The following KRIT1 variants were observed in gnomAD, a reference collection of about 807,000 sequenced individuals.
The protein encoded by KRIT1 is KRIT1 ankyrin repeat containing, also known as krev interaction trapped protein 1.
In KRIT1, 45 loss-of-function variants were observed where a neutral mutation model predicts 95.8. That is an observed-to-expected ratio of 0.47 (90% CI 0.37 to 0.60). The LOEUF (loss-of-function observed/expected upper bound fraction) is 0.60. Among genes scored for constraint, KRIT1 ranks in the 20% least tolerant of loss-of-function variants. The pLI, the probability that KRIT1 is intolerant of heterozygous loss-of-function variation, is 0.00. For missense variants in KRIT1, 788 were observed against 877.5 expected (o/e 0.90, Z 1.29); for synonymous variants, 282 against 278.8 (o/e 1.01, Z -0.11).
intron 17 of KRIT1, chr7:92,206,691 C>T (rs542173308): frequency 6.6e-6 from 1 of 152,068 alleles, no homozygotes; most frequent in South Asian, 2.1e-4. Flanking sequence ...ATGACACCTT[C>T]AAAGGAAAAC....
At chr7:92,226,746 G>A in intron 10 of KRIT1, 64 bp from the exon 11 acceptor site, 1 of 1,503,388 alleles carries the variant, frequency 6.7e-7, no homozygotes. Context: ...AAGATCATCT[G>A]AAATGTTTTT....
At chr7:92,230,778 T>A (rs1430258204) in intron 10 of KRIT1, among the ~76,000 whole-genome samples, 1 of 152,138 alleles carries the variant, frequency 6.6e-6, no homozygotes, top group Non-Finnish European at 1.5e-5. Context: ...AAAGTGATCA[T>A]TAGGGATAGA....
At position 92,203,587 on chromosome 7, in the gene KRIT1, GA is replaced by G. The variant is rs1369504426; in HGVS notation, c.2026-2165del. On this transcript the variant is annotated intron_variant, in intron 17 of 18. Coordinates refer to ENST00000394505, the MANE Select transcript of KRIT1 (RefSeq NM_194454.3). ...TCTGTTACTGCTAACTCATTTATTT[GA>G]ATCCTGGATCAAAGTATTATACATA... 2.6e-5 allele frequency among the ~76,000 whole-genome samples: 4 copies of G among 152,232 alleles called. No individual in the cohort carries two copies. In the East Asian group the frequency reaches 7.7e-4, roughly 29 times the overall value.
At chr7:92,228,797 G>A (rs1018844482) in intron 10 of KRIT1, among the ~76,000 whole-genome samples, 7 of 151,970 alleles carry the variant, frequency 4.6e-5, no homozygotes, top group Non-Finnish European at 8.8e-5. Flanking sequence ...TTGTGCTCAT[G>A]AGTCCTCATC....
chr7:92,235,356 A>G (rs758712545), intron 8 of KRIT1, 47 bp downstream of exon 8: 14 of 1,588,950 alleles, frequency 8.8e-6, no homozygotes, highest in Non-Finnish European at 1.2e-5. Flanking sequence ...ATTACACTTG[A>G]GATAAAACGT....
intron 17 of KRIT1, among the ~76,000 whole-genome samples, chr7:92,210,815 G>A (rs1584776644): frequency 6.6e-6 from 1 of 152,102 alleles, no homozygotes; most frequent in Non-Finnish European, 1.5e-5. Flanking sequence ...AAATTTACAA[G>A]GAAATCAAAC....
intron 17 of KRIT1, among the ~76,000 whole-genome samples, chr7:92,207,342 G>C (rs1029879417): frequency 1.3e-5 from 2 of 151,838 alleles, no homozygotes; most frequent in Non-Finnish European, 2.9e-5. Context: ...AGAAGAGCCT[G>C]GGATGATGTG....
chr7:92,212,493 G>A (rs140126292), intron 17 of KRIT1, among the ~76,000 whole-genome samples: 111 of 152,280 alleles, frequency 7.3e-4, no homozygotes, highest in African/African-American at 2.3e-3. Context: ...TAATTTATGA[G>A]AGCAGGGCCC....
intron 11 of KRIT1, among the ~76,000 whole-genome samples, chr7:92,226,100 A>C (rs775929920): frequency 6.6e-5 from 10 of 152,250 alleles, no homozygotes; most frequent in Non-Finnish European, 1.5e-4. Flanking sequence ...CCTCTTTATG[A>C]TATTCCTTTT....
chr7:92,237,610 G>T, intron 6 of KRIT1, 57 bp downstream of exon 6: 2 of 957,012 alleles, frequency 2.1e-6, no homozygotes, highest in Non-Finnish European at 3.4e-6. Context: ...TTCCTCAATA[G>T]ACCTTTACTT....
chr7:92,242,000 A>T (rs773109049), intron 4 of KRIT1, 34 bp downstream of exon 4: 4 of 1,055,640 alleles, frequency 3.8e-6, no homozygotes, highest in South Asian at 1.3e-5. Flanking sequence ...ATGACATTCA[A>T]TGGTAGAAAT....
chr7:92,245,949 C>G (rs1308884213), upstream of KRIT1: 1 of 247,366 alleles, frequency 4.0e-6, no homozygotes, highest in Non-Finnish European at 7.9e-6. Context: ...TTTGCAGCCT[C>G]GCGGTTGGCG....
At chr7:92,244,582 G>A (rs542634593) in intron 2 of KRIT1, among the ~76,000 whole-genome samples, 1 of 152,186 alleles carries the variant, frequency 6.6e-6, no homozygotes, top group South Asian at 2.1e-4. Context: ...ATGAAAGAAG[G>A]AAACAAAGGC....
intron 14 of KRIT1, among the ~76,000 whole-genome samples, chr7:92,219,270 G>A (rs1269769838): frequency 3.3e-5 from 5 of 152,170 alleles, no homozygotes; most frequent in Non-Finnish European, 5.9e-5. Flanking sequence ...CAAAAGTGCT[G>A]GGATTACAGG....
In KRIT1 at chr7:92,241,058, T is replaced by C; in HGVS notation, c.197A>G (p.Gln66Arg). The C allele has an allele frequency of 1.9e-6, 3 of 1,612,068 alleles. No homozygotes were observed. The South Asian group carries it at 3.3e-5, about 18-fold the overall frequency. ...TKLQGNSEIT[Q>R]GILDYVVETT... Reference sequence around the variant, plus strand: ...TTCTACTACGTAATCCAATATGCCTTGTGTTATTTCACTGTTGCCTTGAAG... The same window carrying C: ...TTCTACTACGTAATCCAATATGCCTCGTGTTATTTCACTGTTGCCTTGAAG... The change falls in exon 5 of 19, where the codon CAA becomes CGA. Residue 66 changes from glutamine (Q) to arginine (R), a missense_variant. By Grantham distance (43) the Gln-to-Arg change is conservative (BLOSUM62 1). Transcript: ENST00000394505.
rs1266844522 is a variant in KRIT1 at position 92,235,965 on chromosome 7, A to G, written c.486-319T>C. ...AAAGTTTTGTTAATGGATACAGCAAATAAATTTTTTAAATGTATGTGCCAT... is the reference window on the plus strand; with the variant it reads ...AAAGTTTTGTTAATGGATACAGCAAGTAAATTTTTTAAATGTATGTGCCAT... On this transcript the variant is annotated intron_variant, in intron 7 of 18. Transcript: ENST00000394505. 5.8e-5 allele frequency: 15 copies of G among 258,172 alleles called. No individual in the cohort carries two copies. The East Asian group carries it at 1.5e-3, about 25-fold the overall frequency. The allele number at this position is 258,172 out of a possible 1,614,324, so 16.0% of individuals were successfully genotyped here. A position where few individuals can be genotyped will look rare whatever the true frequency, so the allele number is the denominator to read the frequency against.
intron 12 of KRIT1, among the ~76,000 whole-genome samples, chr7:92,225,250 A>G (rs575416099): frequency 6.6e-6 from 1 of 152,306 alleles, no homozygotes; most frequent in African/African-American, 2.4e-5. Flanking sequence ...TGCAAGTTTT[A>G]TTTTGTTATG....
At chr7:92,226,187 GAA>G (rs1311960481) in intron 11 of KRIT1, among the ~76,000 whole-genome samples, 1 of 151,952 alleles carries the variant, frequency 6.6e-6, no homozygotes, top group African/African-American at 2.4e-5. Context: ...AATATAAAAT[GAA>G]AAGAGGTTAA....
At chr7:92,237,226 T>C (rs1056791347) in intron 6 of KRIT1, among the ~76,000 whole-genome samples, 1 of 152,180 alleles carries the variant, frequency 6.6e-6, no homozygotes, top group African/African-American at 2.4e-5. Flanking sequence ...TCACATTAGA[T>C]TTCCTTCTTA....
Sources: gnomAD v4.1 joint callset for allele counts (sites outside exome capture counted in the v4.1 genomes callset) on GRCh38, gnomAD v4.1.1 for gene constraint, MANE v1.5 for transcripts, NCBI Gene and HGNC (gene_info 2026-07-23, HGNC 2026-07-21) for gene names.